The following ANKS1A variants were observed in gnomAD, a reference collection of about 807,000 sequenced individuals.
ANKS1A encodes the protein ankyrin repeat and sterile alpha motif domain containing 1A.
ANKS1A carries 55 observed loss-of-function variants against 120.3 expected under a neutral mutation model. The observed-to-expected ratio is 0.46, with a 90% CI of 0.37 to 0.57. ANKS1A has a LOEUF of 0.57. ANKS1A is among the 20% of genes least tolerant of loss of function. The pLI is 0.00. For synonymous variants in ANKS1A, 590 were observed against 604.7 expected, an observed-to-expected ratio of 0.98 and a Z score of 0.36; for missense variants, 1,123 against 1,480.3, an observed-to-expected ratio of 0.76 and a Z score of 3.96.
At chr6:34,892,664 C>T (rs954562699) in intron 1 of ANKS1A, among the ~76,000 whole-genome samples, 2 of 152,216 alleles carry the variant, frequency 1.3e-5, no homozygotes, top group African/African-American at 4.8e-5. Flanking sequence ...TTTTCCTCTA[C>T]ACAGCTTGGG....
intron 11 of ANKS1A, among the ~76,000 whole-genome samples, chr6:35,023,137 ATAGCTGTTCTCTCTGGGTTC>A (rs1774430695): frequency 6.6e-6 from 1 of 152,116 alleles, no homozygotes; most frequent in Non-Finnish European, 1.5e-5. Flanking sequence ...CCTTCTCCCA[ATAGCTGTTCTCTCTGGGTTC>A]TAGTAAACAG....
chr6:35,000,852 A>G (rs1773130588), intron 10 of ANKS1A, among the ~76,000 whole-genome samples: 1 of 152,174 alleles, frequency 6.6e-6, no homozygotes, highest in South Asian at 2.1e-4. Flanking sequence ...TTGCTTTGAA[A>G]GTTTAAGCAA....
At chr6:34,906,352 C>A (rs1316596621) in intron 1 of ANKS1A, among the ~76,000 whole-genome samples, 2 of 152,200 alleles carry the variant, frequency 1.3e-5, no homozygotes, top group Non-Finnish European at 2.9e-5. Context: ...TCTGTCTTCT[C>A]CCTTCATCCA....
At chr6:35,067,301 T>C (rs1425485358) in intron 13 of ANKS1A, among the ~76,000 whole-genome samples, 2 of 152,016 alleles carry the variant, frequency 1.3e-5, no homozygotes, top group East Asian at 1.9e-4. Context: ...AAACATGTGC[T>C]CCCCCTCCTC....
intron 11 of ANKS1A, among the ~76,000 whole-genome samples, chr6:35,022,370 C>T (rs541072289): frequency 6.6e-6 from 1 of 152,324 alleles, no homozygotes; most frequent in South Asian, 2.1e-4. Context: ...GAGTCATTTT[C>T]TCCAAATACA....
chr6:34,889,323 C>A lies in ANKS1A; in HGVS notation c.-80C>A. The A allele has an allele frequency of 2.4e-6, 3 of 1,227,078 alleles. No homozygotes were observed. The highest frequency in any genetic ancestry group is 1.0e-6 in the Non-Finnish European group (1 of 985,310). 76.0% of individuals were successfully genotyped at this position (1,227,078 alleles called of 1,614,324 possible). A position where few individuals can be genotyped will look rare whatever the true frequency, so the allele number is the denominator to read the frequency against. On this transcript the variant is annotated 5_prime_UTR_variant, in exon 1 of 24. Coordinates refer to ENST00000360359, the MANE Select transcript of ANKS1A (RefSeq NM_015245.3). The surrounding 1 kb of genome is among the most constrained non-coding windows in gnomAD (Gnocchi z 5.5). ...CCAGCCGGTTTGGGGGGTGCGTTGCCCGGAGACGGAAAGTTTGGGAGCCCG... is the reference window on the plus strand; with the variant it reads ...CCAGCCGGTTTGGGGGGTGCGTTGCACGGAGACGGAAAGTTTGGGAGCCCG...
At chr6:35,077,170 A>G (rs1777406269) in intron 13 of ANKS1A, among the ~76,000 whole-genome samples, 2 of 152,230 alleles carry the variant, frequency 1.3e-5, no homozygotes, top group Non-Finnish European at 2.9e-5. Context: ...AAGAGCTGTC[A>G]GTGTTAAGGC....
intron 1 of ANKS1A, among the ~76,000 whole-genome samples, chr6:34,936,118 A>G (rs1041026791): frequency 6.6e-6 from 1 of 151,814 alleles, no homozygotes; most frequent in African/African-American, 2.4e-5. Flanking sequence ...TGGTGAGATT[A>G]GCATGTCCCT....
At position 35,075,517 on chromosome 6, in the gene ANKS1A, G is replaced by C. The variant is rs181440817; in HGVS notation, c.2185-3041G>C. On this transcript the variant is annotated intron_variant, in intron 13 of 23. Transcript: ENST00000360359. The stretch of plus-strand genomic sequence containing the variant: ...TGCAACCTCCGCCTCCTGGGTTCAA[G>C]CGATTCTCCTGCCTCAGCCTCCCGA... Among the ~76,000 whole-genome samples, 19 of 150,174 alleles carry C rather than the reference G, an allele frequency of 1.3e-4. No individual in the cohort carries two copies. The East Asian group carries it at 3.6e-3, about 29-fold the overall frequency.
At chr6:34,906,736 G>A (rs1455061978) in intron 1 of ANKS1A, among the ~76,000 whole-genome samples, 1 of 152,238 alleles carries the variant, frequency 6.6e-6, no homozygotes, top group Non-Finnish European at 1.5e-5. Flanking sequence ...TGGCTTCAAA[G>A]TATCTTCCCC....
intron 1 of ANKS1A, among the ~76,000 whole-genome samples, chr6:34,914,123 A>G (rs1359280946): frequency 7.4e-6 from 1 of 135,106 alleles, no homozygotes; most frequent in Non-Finnish European, 1.6e-5. Flanking sequence ...GGGTTTCAAC[A>G]TGTTAGCCAG....
chr6:35,087,465 C>T (rs1002691753), intron 23 of ANKS1A, among the ~76,000 whole-genome samples: 43 of 152,328 alleles, frequency 2.8e-4, no homozygotes, highest in African/African-American at 9.9e-4. Flanking sequence ...TGGCTCCCTC[C>T]TCCTGTCTGC....
At position 35,046,597 on chromosome 6, in the gene ANKS1A, G is replaced by A. The variant is rs916419905; in HGVS notation, c.2011-7502G>A. 7.9e-5 allele frequency among the ~76,000 whole-genome samples: 12 copies of A among 152,210 alleles called. No homozygotes were observed. In the South Asian group the frequency reaches 1.0e-3, roughly 13 times the overall value. ...TTCTATAATTAGCATTTTGCTGTAC[G>A]TGCTTTATTGCATCTATCCATCTGT... On this transcript the variant is annotated intron_variant, in intron 11 of 23. Coordinates refer to ENST00000360359, the MANE Select transcript of ANKS1A (RefSeq NM_015245.3).
At chr6:35,039,100 G>T (rs1300368687) in intron 11 of ANKS1A, among the ~76,000 whole-genome samples, 2 of 149,206 alleles carry the variant, frequency 1.3e-5, no homozygotes, top group East Asian at 3.9e-4. Context: ...GTGGGGGGGG[G>T]TTATATGCAT....
intron 1 of ANKS1A, among the ~76,000 whole-genome samples, chr6:34,959,133 G>C (rs1156875091): frequency 2.0e-5 from 3 of 152,238 alleles, no homozygotes; most frequent in African/African-American, 7.2e-5. Flanking sequence ...ATTCAGTCCA[G>C]AAATCTGACC....
intron 1 of ANKS1A, among the ~76,000 whole-genome samples, chr6:34,932,923 A>G (rs1769062679): frequency 6.6e-6 from 1 of 152,216 alleles, no homozygotes; most frequent in African/African-American, 2.4e-5. Flanking sequence ...ATTGTTTTTC[A>G]AAGTGGCTGT....
In ANKS1A at chr6:35,050,476, A is replaced by G. The variant is rs1186159517; in HGVS notation, c.2011-3623A>G. Among the ~76,000 whole-genome samples the G allele has an allele frequency of 6.6e-6, 1 of 152,138 alleles. No individual in the cohort carries two copies. Among genetic ancestry groups the G allele is most frequent in the Non-Finnish European group, 1.5e-5 (1 of 67,950 alleles). ...CACTTAACCTGCCTCTTCCCCTGAA[A>G]TGCAGACCATTTCTGGGAAAGCTGC... On this transcript the variant is annotated intron_variant, in intron 11 of 23. Coordinates refer to ENST00000360359, the MANE Select transcript of ANKS1A (RefSeq NM_015245.3). The surrounding 1 kb of genome is among the most constrained non-coding windows in gnomAD (Gnocchi z 4.3).
At chr6:34,958,148 G>T (rs146031021) in intron 1 of ANKS1A, among the ~76,000 whole-genome samples, 1 of 152,156 alleles carries the variant, frequency 6.6e-6, no homozygotes, top group East Asian at 1.9e-4. Context: ...ATTCATTTCA[G>T]CCTCAACAAA....
chr6:35,029,759 A>G (rs1451474462), intron 11 of ANKS1A, among the ~76,000 whole-genome samples: 2 of 148,394 alleles, frequency 1.3e-5, no homozygotes, highest in Non-Finnish European at 3.0e-5. Flanking sequence ...ATATACATAT[A>G]TAATTACATA....
Sources: allele counts gnomAD v4.1 joint callset (sites outside exome capture counted in the v4.1 genomes callset), GRCh38; gene constraint gnomAD v4.1.1; non-coding constraint Gnocchi (gnomAD v3.1); transcripts MANE v1.5; gene names NCBI Gene and HGNC (gene_info 2026-07-23, HGNC 2026-07-21).